Variants in ERC1 observed in about 807,000 individuals in gnomAD.
ERC1 encodes the protein RAB6 interacting protein 2.
ERC1 carries 56 observed loss-of-function variants against 132.0 expected under a neutral mutation model. The observed-to-expected ratio is 0.42, with a 90% CI of 0.34 to 0.53. The LOEUF is 0.53. Ranked by LOEUF, ERC1 falls within the 20% of genes least tolerant of loss-of-function variation. The pLI is 0.03. For missense variants in ERC1, 1,202 were observed against 1,349.9 expected (o/e 0.89, Z 1.72); for synonymous variants, 478 against 476.1 (o/e 1.00, Z -0.05).
intron 15 of ERC1, among the ~76,000 whole-genome samples, chr12:1,340,064 C>T (rs536925857): frequency 2.6e-5 from 4 of 152,268 alleles, no homozygotes; most frequent in East Asian, 1.9e-4. Context: ...AGGCCTGGTG[C>T]GTGGCCAGCG....
chr12:1,267,583 G>A (rs1218656515), intron 14 of ERC1, among the ~76,000 whole-genome samples: 1 of 152,124 alleles, frequency 6.6e-6, no homozygotes, highest in African/African-American at 2.4e-5. Context: ...ACAATGCGAG[G>A]CCTCGTCTCT....
rs1333777446 is a variant in ERC1, at chr12:1,493,288, A to C, written c.*3058A>C. Reference sequence around the variant, plus strand: ...CCGGCCACAGTGGCTCACGCCTGTAATCCCAGAACTCTGGAAGGCTGAGGC... The same window carrying C: ...CCGGCCACAGTGGCTCACGCCTGTACTCCCAGAACTCTGGAAGGCTGAGGC... On this transcript the variant is annotated 3_prime_UTR_variant, in exon 19 of 19. Transcript: ENST00000360905. 1.1e-5 allele frequency: 2 copies of C among 182,756 alleles called. No homozygotes were observed. The highest frequency in any genetic ancestry group is 2.3e-5 in the Non-Finnish European group (2 of 85,964). 11.3% of individuals were successfully genotyped at this position (182,756 alleles called of 1,614,324 possible).
intron 17 of ERC1, among the ~76,000 whole-genome samples, chr12:1,440,350 GC>G (rs1312395845): frequency 6.7e-6 from 1 of 149,076 alleles, no homozygotes; most frequent in East Asian, 2.0e-4. Flanking sequence ...GACTACAGAC[GC>G]CCGCCACCAC....
intron 2 of ERC1, among the ~76,000 whole-genome samples, chr12:1,065,629 A>G (rs1939025652): frequency 6.6e-6 from 1 of 151,136 alleles, no homozygotes; most frequent in Non-Finnish European, 1.5e-5. Context: ...CTAGAGAATT[A>G]ATTGAGTTTC....
rs2077701388 is a variant in ERC1 at position 1,269,741 on chromosome 12, G to T, written c.2619+6576G>T. On this transcript the variant is annotated intron_variant, in intron 14 of 18. Coordinates refer to ENST00000360905, the MANE Select transcript of ERC1 (RefSeq NM_178040.4). ...CTTTCCCAAAAGGCACATGGGCACA[G>T]GCTCTCAGCCTCTAAACATACGTAT... 2.0e-5 allele frequency among the ~76,000 whole-genome samples: 3 copies of T among 152,282 alleles called. 1 individual carries two copies. The South Asian group carries it at 6.2e-4, about 32-fold the overall frequency.
intron 2 of ERC1, among the ~76,000 whole-genome samples, chr12:1,075,753 A>G (rs1941243359): frequency 6.6e-6 from 1 of 152,156 alleles, no homozygotes; most frequent in Non-Finnish European, 1.5e-5. Context: ...AGAAAATCAC[A>G]AGGAAGAGAA....
chr12:1,053,230 TA>T (rs1382894916), intron 2 of ERC1, among the ~76,000 whole-genome samples: 5 of 152,218 alleles, frequency 3.3e-5, no homozygotes, highest in African/African-American at 1.2e-4. Flanking sequence ...GAAAAAGTAT[TA>T]ATGGGTATTA....
intron 2 of ERC1, among the ~76,000 whole-genome samples, chr12:1,068,611 G>A (rs988003137): frequency 6.6e-6 from 1 of 152,014 alleles, no homozygotes; most frequent in Non-Finnish European, 1.5e-5. Context: ...AAAATTAATT[G>A]CATTTCATAC....
chr12:1,404,467 C>T (rs2091317231), intron 16 of ERC1, among the ~76,000 whole-genome samples: 1 of 151,430 alleles, frequency 6.6e-6, no homozygotes, highest in Non-Finnish European at 1.5e-5. Context: ...TAGTTGGTCT[C>T]ACAAGCAAAG....
chr12:1,351,256 T>C (rs756455655), intron 15 of ERC1, among the ~76,000 whole-genome samples: 1 of 152,252 alleles, frequency 6.6e-6, no homozygotes, highest in Non-Finnish European at 1.5e-5. Context: ...GTCACTGATA[T>C]TTTCTCTTCG....
chr12:1,138,145 T>C lies in ERC1; in HGVS notation c.1570-3475T>C, dbSNP rs1184133429. ...ATACATATTATATATAATATAATTA[T>C]ATTTATTTACATAATATATATAATT... On this transcript the variant is annotated intron_variant, in intron 7 of 18. Transcript: ENST00000360905. 1.7e-4 allele frequency among the ~76,000 whole-genome samples: 21 copies of C among 120,432 alleles called. 1 individual carries two copies. In the South Asian group the frequency reaches 2.6e-3, roughly 15 times the overall value. The allele number at this position is 120,432 out of a possible 152,430, so 79.0% of individuals were successfully genotyped here.
rs373131882 is a variant in ERC1 at position 1,126,689 on chromosome 12, AT to A, written c.1569+10657del. 3.0e-4 allele frequency among the ~76,000 whole-genome samples: 46 copies of A among 152,258 alleles called. 1 individual carries two copies. In the East Asian group the frequency reaches 8.7e-3, roughly 29 times the overall value. Reference sequence around the variant, plus strand: ...AAAATAGTAAGGATTCAGATAAAGAATAAAAAAGAGATGCTTGAGGCTAGGT... The same window carrying A: ...AAAATAGTAAGGATTCAGATAAAGAAAAAAAAGAGATGCTTGAGGCTAGGT... On this transcript the variant is annotated intron_variant, in intron 7 of 18. Coordinates refer to ENST00000360905, the MANE Select transcript of ERC1 (RefSeq NM_178040.4).
chr12:1,474,829 G>A (rs1011246797), intron 18 of ERC1, among the ~76,000 whole-genome samples: 13 of 152,146 alleles, frequency 8.5e-5, no homozygotes, highest in African/African-American at 2.7e-4. Context: ...AAATGTTCCC[G>A]CTCTGCTGAG....
chr12:1,083,382 G>C lies in ERC1; in HGVS notation c.888G>C (p.Glu296Asp). 6.2e-7 allele frequency: 1 copy of C among 1,614,146 alleles called. No individual in the cohort carries two copies. Among genetic ancestry groups the C allele is most frequent in the Non-Finnish European group, 8.5e-7 (1 of 1,180,022 alleles). ...KTLEEMELRI[E>D]TQKQTLNARD... ...TGGAGGAAATGGAGCTGCGTATTGA[G>C]ACTCAAAAGCAGACCCTAAATGCTC... The change falls in exon 3 of 19, where the codon GAG (glutamate) becomes GAC (aspartate). Residue 296 changes from glutamate to aspartate, a missense_variant. Physicochemically the swap from Glu to Asp is conservative, Grantham distance 45. Transcript: ENST00000360905.
intron 3 of ERC1, among the ~76,000 whole-genome samples, chr12:1,094,486 C>T (rs970252972): frequency 8.6e-5 from 13 of 150,466 alleles, no homozygotes; most frequent in African/African-American, 2.2e-4. Context: ...TCTCAGCTCA[C>T]CTCAACCTCC....
chr12:1,190,123 AC>A, intron 12 of ERC1, 71 bp downstream of exon 12: 1 of 1,327,578 alleles, frequency 7.5e-7, no homozygotes, highest in South Asian at 1.2e-5. Flanking sequence ...TTGGGGACAT[AC>A]TTTTTCAGTG....
chr12:1,334,913 G>A (rs1362042091), intron 15 of ERC1, among the ~76,000 whole-genome samples: 2 of 152,120 alleles, frequency 1.3e-5, no homozygotes, highest in African/African-American at 4.8e-5. Flanking sequence ...TTTGAGCAGT[G>A]TTTTGTAGTT....
chr12:1,180,826 T>G lies in ERC1; in HGVS notation c.1875+149T>G, dbSNP rs536746170. 31 of 847,466 alleles carry G rather than the reference T, an allele frequency of 3.7e-5. 1 individual carries two copies. The South Asian group carries it at 5.7e-4, about 16-fold the overall frequency. 52.5% of individuals were successfully genotyped at this position (847,466 alleles called of 1,614,324 possible). ...GACATACGTAGTGTGAAGGGAAACA[T>G]TTTTTTTAGATGGAGTCTCACTCTG... On this transcript the variant is annotated intron_variant, in intron 9 of 18. Transcript: ENST00000360905.
intron 2 of ERC1, among the ~76,000 whole-genome samples, chr12:1,051,913 TCGC>T (rs879821253): frequency 0.013 from 1,961 of 148,036 alleles, 308 homozygotes; most frequent in African/African-American, 0.033. Context: ...GTCCTTATGA[TCGC>T]CTCTGCTCCT....
Sources: gnomAD v4.1 joint callset for allele counts (sites outside exome capture counted in the v4.1 genomes callset) on GRCh38, gnomAD v4.1.1 for gene constraint, MANE v1.5 for transcripts, NCBI Gene and HGNC (gene_info 2026-07-23, HGNC 2026-07-21) for gene names.